The following EBF3 variants were observed in gnomAD, a reference collection of about 807,000 sequenced individuals.
The protein encoded by EBF3 is EBF transcription factor 3.
A neutral mutation model predicts 77.1 loss-of-function variants in EBF3; 18 were observed. That is an observed-to-expected ratio of 0.23 (90% CI 0.16 to 0.35). The LOEUF (loss-of-function observed/expected upper bound fraction) is 0.35, where lower values mean the gene tolerates loss of function less well. Among genes scored for constraint, EBF3 ranks in the 10% least tolerant of loss-of-function variants. The pLI, the probability that EBF3 is intolerant of heterozygous loss-of-function variation, is 1.00. For synonymous variants in EBF3, 350 were observed against 343.5 expected (o/e 1.02, Z -0.21); for missense variants, 558 against 860.0 (o/e 0.65, Z 4.39).
rs113932790 is a variant in EBF3, at chr10:129,930,110, C to T, written c.554+27148G>A. Reference sequence around the variant, plus strand: ...GAACTTCAGGCTCCAGGCCTTTGCACTCTGGGATTCACACCAGCAGTCCCG... The same window carrying T: ...GAACTTCAGGCTCCAGGCCTTTGCATTCTGGGATTCACACCAGCAGTCCCG... On this transcript the variant is annotated intron_variant, in intron 6 of 16. Coordinates refer to ENST00000440978, the MANE Select transcript of EBF3 (RefSeq NM_001375380.1). Among the ~76,000 whole-genome samples the T allele has an allele frequency of 2.6e-3, 399 of 152,312 alleles. 2 individuals carry two copies. The highest frequency in any genetic ancestry group is 9.3e-3 in the African/African-American group (388 of 41,546).
intron 6 of EBF3, among the ~76,000 whole-genome samples, chr10:129,903,504 G>C (rs1052631571): frequency 6.6e-6 from 1 of 152,222 alleles, no homozygotes; most frequent in African/African-American, 2.4e-5. Flanking sequence ...CCCTTACAAA[G>C]TTCAGATTAC....
chr10:129,949,682 C>G (rs1236219229), intron 6 of EBF3, among the ~76,000 whole-genome samples: 1 of 152,144 alleles, frequency 6.6e-6, no homozygotes. Context: ...AGGCACAGGC[C>G]TCCAGACCTG....
chr10:129,872,865 A>G (rs1342643206), intron 8 of EBF3, among the ~76,000 whole-genome samples: 3 of 151,986 alleles, frequency 2.0e-5, no homozygotes, highest in Non-Finnish European at 2.9e-5. Context: ...CTCCCTACCT[A>G]CCACCCTTAT....
intron 4 of EBF3, among the ~76,000 whole-genome samples, 191 bp downstream of exon 4, chr10:129,961,980 C>T (rs140364998): frequency 5.3e-4 from 81 of 152,314 alleles, no homozygotes; most frequent in Non-Finnish European, 8.7e-4. Flanking sequence ...ATGTCCTGTT[C>T]TAATGACAAC....
chr10:129,959,378 C>G (rs1859302321), intron 4 of EBF3, among the ~76,000 whole-genome samples: 1 of 151,884 alleles, frequency 6.6e-6, no homozygotes, highest in Non-Finnish European at 1.5e-5. Context: ...CTCCCGGGCC[C>G]CTTCGGCATT....
chr10:129,958,972 C>T lies in EBF3; in HGVS notation c.447G>A (p.Glu149=). ...IVYEGQDKNP[E]MCRVLLTHEI... The stretch of plus-strand genomic sequence containing the variant: ...CGTGGGTCAGCAGCACACGGCACAT[C>T]TCCGGGTTCTTGTCCTGGCCCTCGT... Residue 149 remains glutamate, a synonymous_variant, in exon 5 of 17, where the codon GAG becomes GAA. Transcript: ENST00000440978. The T allele has an allele frequency of 1.2e-6, 2 of 1,601,576 alleles. No homozygotes were observed. Among genetic ancestry groups the T allele is most frequent in the Non-Finnish European group, 1.7e-6 (2 of 1,175,220 alleles).
intron 6 of EBF3, among the ~76,000 whole-genome samples, chr10:129,893,436 C>A (rs1306922881): frequency 6.6e-6 from 1 of 152,176 alleles, no homozygotes; most frequent in Non-Finnish European, 1.5e-5. Context: ...TGAATACCTT[C>A]TGTTCTAAAT....
Position 129,963,233 on chromosome 10 carries a change from G to A in EBF3, c.291+134C>T. 7.6e-7 allele frequency: 1 copy of A among 1,318,904 alleles called. No individual in the cohort carries two copies. Among genetic ancestry groups the A allele is most frequent in the South Asian group, 1.7e-5 (1 of 59,528 alleles). 81.7% of individuals were successfully genotyped at this position (1,318,904 alleles called of 1,614,324 possible). On this transcript the variant is annotated intron_variant, in intron 2 of 16. Transcript: ENST00000440978. The surrounding 1 kb of genome is among the most constrained non-coding windows in gnomAD (Gnocchi z 7.1). ...CAGCCCTCGGCGGTCCCGGGCGGCC[G>A]CACGTGGCGGCGGCGGGGTGGCCTG... is the stretch of plus-strand genomic sequence containing the variant.
chr10:129,856,445 G>A (rs1851258125), intron 10 of EBF3, among the ~76,000 whole-genome samples: 1 of 152,164 alleles, frequency 6.6e-6, no homozygotes, highest in South Asian at 2.1e-4. Flanking sequence ...GATGAGCCTG[G>A]AAAACACGCA....
At chr10:129,962,312 C>A in intron 3 of EBF3, 86 bp from the exon 4 acceptor site, 2 of 1,271,832 alleles carry the variant, frequency 1.6e-6, no homozygotes, top group Non-Finnish European at 2.3e-6. Context: ...GTCTGTAACT[C>A]AGGACTGCTG....
intron 6 of EBF3, among the ~76,000 whole-genome samples, chr10:129,930,877 T>C (rs1036311167): frequency 6.7e-6 from 1 of 148,276 alleles, no homozygotes; most frequent in Non-Finnish European, 1.5e-5. Flanking sequence ...AATCCCCCTC[T>C]CATATACCTA....
intron 8 of EBF3, among the ~76,000 whole-genome samples, chr10:129,871,056 C>T (rs1449379651): frequency 2.0e-5 from 3 of 152,220 alleles, no homozygotes; most frequent in African/African-American, 7.2e-5. Flanking sequence ...ACCTTTACCT[C>T]TCCTAGGGCC....
At chr10:129,958,874 TG>T in intron 5 of EBF3, 59 bp downstream of exon 5, 1 of 1,548,320 alleles carries the variant, frequency 6.5e-7, no homozygotes, top group Non-Finnish European at 8.7e-7. Context: ...CGGCGTCCTT[TG>T]TAGACGCAGC....
At chr10:129,924,152 T>C (rs1359878589) in intron 6 of EBF3, among the ~76,000 whole-genome samples, 1 of 152,164 alleles carries the variant, frequency 6.6e-6, no homozygotes, top group Non-Finnish European at 1.5e-5. Context: ...CAGAGGCTCA[T>C]GCCTGTAATC....
chr10:129,850,021 T>C (rs960653977), intron 10 of EBF3, among the ~76,000 whole-genome samples: 10 of 152,250 alleles, frequency 6.6e-5, no homozygotes, highest in Non-Finnish European at 7.3e-5. Flanking sequence ...GGCAAAAGCA[T>C]AGTTCGGGCC....
chr10:129,851,098 C>A (rs147033297), intron 10 of EBF3, among the ~76,000 whole-genome samples: 1 of 152,180 alleles, frequency 6.6e-6, no homozygotes, highest in African/African-American at 2.4e-5. Context: ...CTTTCACCTG[C>A]GCTGCATTAC....
chr10:129,889,644 T>C (rs925788347), intron 6 of EBF3, among the ~76,000 whole-genome samples: 1 of 152,144 alleles, frequency 6.6e-6, no homozygotes, highest in Non-Finnish European at 1.5e-5. Context: ...AGGGGAATCT[T>C]CCGTTCACTT....
At chr10:129,924,323 G>A (rs1856502580) in intron 6 of EBF3, among the ~76,000 whole-genome samples, 1 of 151,570 alleles carries the variant, frequency 6.6e-6, no homozygotes. Flanking sequence ...ACTGAGGCAG[G>A]AGAATCACTT....
chr10:129,862,754 G>A (rs1184159868), intron 10 of EBF3, among the ~76,000 whole-genome samples: 2 of 152,174 alleles, frequency 1.3e-5, no homozygotes, highest in African/African-American at 4.8e-5. Context: ...ATTTCAATTA[G>A]ATGCATACAA....
Sources: gnomAD v4.1 joint callset for allele counts (sites outside exome capture counted in the v4.1 genomes callset) on GRCh38, gnomAD v4.1.1 for gene constraint, Gnocchi (gnomAD v3.1) non-coding constraint, MANE v1.5 for transcripts, NCBI Gene and HGNC (gene_info 2026-07-23, HGNC 2026-07-21) for gene names.